ASIC2: variants seen among roughly 807,000 people sequenced by gnomAD.
ASIC2 encodes the protein acid sensing ion channel subunit 2, also known as acid-sensing ion channel 2.
In ASIC2, 25 loss-of-function variants were observed where a neutral mutation model predicts 57.3. The observed-to-expected ratio is 0.44, with a 90% CI of 0.32 to 0.61. The LOEUF (loss-of-function observed/expected upper bound fraction) is 0.61, where lower values mean the gene tolerates loss of function less well. Among genes scored for constraint, ASIC2 ranks in the 20% least tolerant of loss-of-function variants. ASIC2 has a pLI of 0.06. For missense variants in ASIC2, 641 were observed against 738.1 expected (o/e 0.87, Z 1.52); for synonymous variants, 319 against 307.5 (o/e 1.04, Z -0.39).
intron 1 of ASIC2, among the ~76,000 whole-genome samples, chr17:33,246,259 G>A (rs192427593): frequency 4.6e-5 from 7 of 152,226 alleles, no homozygotes; most frequent in African/African-American, 7.2e-5. Flanking sequence ...AATAAAGAGC[G>A]ACTCCCAGGT....
chr17:33,324,250 A>G (rs1906978533), intron 1 of ASIC2, among the ~76,000 whole-genome samples: 1 of 152,072 alleles, frequency 6.6e-6, no homozygotes, highest in Admixed American at 6.6e-5. Flanking sequence ...TTTGCAGTGG[A>G]TGTTACTATT....
Position 33,870,510 on chromosome 17 carries a change from A to G in ASIC2, c.555+285468T>C, listed in dbSNP as rs1441400318. On this transcript the variant is annotated intron_variant, in intron 1 of 9. Coordinates refer to the ASIC2 transcript ENST00000359872. ...GACAAAAGGTCATGGTGGTGGGTTG[A>G]ATTTGGTGAGGGTACGGGAGGAAGA... Among the ~76,000 whole-genome samples the G allele has an allele frequency of 3.9e-5, 6 of 152,032 alleles. No individual in the cohort carries two copies. In the East Asian group the frequency reaches 1.2e-3, roughly 30 times the overall value.
intron 1 of ASIC2, among the ~76,000 whole-genome samples, chr17:33,314,396 T>C (rs1906557351): frequency 6.6e-6 from 1 of 152,216 alleles, no homozygotes; most frequent in South Asian, 2.1e-4. Context: ...TGAGCATGCA[T>C]ATTTCCAAGA....
Position 33,631,121 on chromosome 17 carries a change from A to G in ASIC2, c.556-519054T>C, listed in dbSNP as rs4795821. 9.3e-3 allele frequency among the ~76,000 whole-genome samples: 1,423 copies of G among 152,320 alleles called. 29 individuals are homozygous for G. Among genetic ancestry groups the G allele is most frequent in the East Asian group, 0.072 (374 of 5,174 alleles). ...ATGGGGCCCAAGAAGACACTGCCAC[A>G]TGGTGGTGGGAGGGAGTCAGAGGCC... On this transcript the variant is annotated intron_variant, in intron 1 of 9. Coordinates refer to the ASIC2 transcript ENST00000359872.
intron 1 of ASIC2, among the ~76,000 whole-genome samples, chr17:33,786,650 A>G (rs946202160): frequency 3.3e-5 from 5 of 152,056 alleles, no homozygotes; most frequent in Non-Finnish European, 5.9e-5. Context: ...GGAAATCTTC[A>G]TTACTCACTG....
chr17:33,659,319 A>G (rs997545491), intron 1 of ASIC2, among the ~76,000 whole-genome samples: 2 of 152,180 alleles, frequency 1.3e-5, no homozygotes, highest in Admixed American at 6.5e-5. Flanking sequence ...CCACTTAACA[A>G]TGACAGGTAT....
intron 3 of ASIC2, among the ~76,000 whole-genome samples, chr17:33,039,867 C>G (rs375692974): frequency 3.2e-4 from 49 of 152,212 alleles, no homozygotes; most frequent in Non-Finnish European, 5.3e-4. Flanking sequence ...TCCTTTCTCT[C>G]TCACTCATGT....
chr17:33,098,688 C>T (rs567602343), intron 2 of ASIC2, among the ~76,000 whole-genome samples: 4 of 152,300 alleles, frequency 2.6e-5, no homozygotes, highest in African/African-American at 7.2e-5. Context: ...GACGCTATGA[C>T]GTCCTGCAGC....
At chr17:33,471,555 C>A (rs1488180222) in intron 1 of ASIC2, among the ~76,000 whole-genome samples, 1 of 152,200 alleles carries the variant, frequency 6.6e-6, no homozygotes, top group East Asian at 1.9e-4. Flanking sequence ...AATAGCTATA[C>A]CACAATACTA....
intron 1 of ASIC2, among the ~76,000 whole-genome samples, chr17:33,325,072 C>T (rs765453986): frequency 6.6e-5 from 10 of 152,136 alleles, no homozygotes; most frequent in South Asian, 2.1e-4. Context: ...TCATCAGGCA[C>T]GTATCTATTG....
intron 1 of ASIC2, among the ~76,000 whole-genome samples, chr17:33,175,829 A>G (rs1905733685): frequency 6.6e-6 from 1 of 151,910 alleles, no homozygotes; most frequent in Admixed American, 6.6e-5. Context: ...TTGCTTTTCC[A>G]GTGTATTCTC....
At chr17:33,393,710 T>A (rs774936488) in intron 1 of ASIC2, among the ~76,000 whole-genome samples, 3 of 152,162 alleles carry the variant, frequency 2.0e-5, no homozygotes, top group Non-Finnish European at 2.9e-5. Flanking sequence ...AGTTATGGCA[T>A]CCTAAGATTC....
intron 6 of ASIC2, 90 bp downstream of exon 6, chr17:33,023,771 T>G: frequency 1.9e-6 from 3 of 1,543,430 alleles, no homozygotes; most frequent in South Asian, 2.4e-5. Flanking sequence ...TTGAACCAAA[T>G]GCTTATCTTT....
At chr17:33,198,062 A>T (rs1906709464) in intron 1 of ASIC2, among the ~76,000 whole-genome samples, 1 of 152,196 alleles carries the variant, frequency 6.6e-6, no homozygotes, top group Non-Finnish European at 1.5e-5. Context: ...TAAAACTAAC[A>T]TCATAGACTT....
intron 1 of ASIC2, among the ~76,000 whole-genome samples, chr17:33,860,933 C>T (rs1914085324): frequency 6.6e-6 from 1 of 152,162 alleles, no homozygotes; most frequent in South Asian, 2.1e-4. Context: ...CTTTAGCAGC[C>T]TTGGTCACTG....
In ASIC2 at chr17:33,222,422, A is replaced by C. The variant is rs139952330; in HGVS notation, c.708+68986T>G. On this transcript the variant is annotated intron_variant, in intron 1 of 9. Coordinates refer to ENST00000225823, the MANE Select transcript of ASIC2 (RefSeq NM_183377.2). ...TTAATGAATACTTAGGGCTGTGGAG[A>C]ATGGGCAGTGACAGTAATGAGCATG... Among the ~76,000 whole-genome samples, 23 of 152,322 alleles carry C rather than the reference A, an allele frequency of 1.5e-4. No individual in the cohort carries two copies. In the East Asian group the frequency reaches 4.4e-3, roughly 29 times the overall value.
chr17:34,087,998 G>A (rs1245056077), intron 1 of ASIC2, among the ~76,000 whole-genome samples: 2 of 152,136 alleles, frequency 1.3e-5, no homozygotes, highest in Non-Finnish European at 2.9e-5. Flanking sequence ...TCCTCCTGTA[G>A]CTTGGAGTAG....
At chr17:33,781,981 A>G (rs1911468338) in intron 1 of ASIC2, among the ~76,000 whole-genome samples, 2 of 152,094 alleles carry the variant, frequency 1.3e-5, no homozygotes, top group Non-Finnish European at 2.9e-5. Flanking sequence ...CCTCCCCTGC[A>G]TGGTCTCCCT....
chr17:33,110,193 C>T (rs567096450), intron 2 of ASIC2, among the ~76,000 whole-genome samples: 1 of 152,268 alleles, frequency 6.6e-6, no homozygotes, highest in Admixed American at 6.5e-5. Context: ...ATTTTATTTC[C>T]TTATTTCTCT....
Sources: allele counts gnomAD v4.1 joint callset (sites outside exome capture counted in the v4.1 genomes callset), GRCh38; gene constraint gnomAD v4.1.1; transcripts MANE v1.5; gene names NCBI Gene and HGNC (gene_info 2026-07-23, HGNC 2026-07-21).